CEP76: variants seen among roughly 807,000 people sequenced by gnomAD.
The protein encoded by CEP76 is centrosomal protein 76, also known as centrosomal protein of 76 kDa.
In CEP76, 55 loss-of-function variants were observed where a neutral mutation model predicts 83.3. The ratio of observed to expected loss-of-function variants is 0.66; its 90% CI spans 0.53 to 0.83. The LOEUF is 0.83. Among genes scored for constraint, CEP76 ranks in the 40% least tolerant of loss-of-function variants. The pLI is 0.00. For synonymous variants in CEP76, 270 were observed against 274.5 expected, an observed-to-expected ratio of 0.98 and a Z score of 0.16; for missense variants, 694 against 799.5, an observed-to-expected ratio of 0.87 and a Z score of 1.59.
chr18:12,664,871 G>A (rs913890658), intron 12 of CEP76, among the ~76,000 whole-genome samples: 22 of 147,626 alleles, frequency 1.5e-4, no homozygotes, highest in African/African-American at 5.3e-4. Flanking sequence ...GCTAACTTTT[G>A]TATTTTTAGT....
At chr18:12,687,481 A>T (rs2039581388) in intron 7 of CEP76, among the ~76,000 whole-genome samples, 1 of 145,462 alleles carries the variant, frequency 6.9e-6, no homozygotes, top group Non-Finnish European at 1.5e-5. Context: ...TTTGAGACAG[A>T]GTCTCGCTGT....
In CEP76 at chr18:12,681,130, G is replaced by A. The variant is rs189447236; in HGVS notation, c.1123-302C>T. On this transcript the variant is annotated intron_variant, in intron 8 of 11. Transcript: ENST00000262127. ...AGAGAATCACGTGAACTTGGGAGGCGGAGGTTGCAGTGAGCTACAATCGCG... is the reference window on the plus strand; with the variant it reads ...AGAGAATCACGTGAACTTGGGAGGCAGAGGTTGCAGTGAGCTACAATCGCG... Among the ~76,000 whole-genome samples the A allele has an allele frequency of 2.5e-3, 374 of 151,686 alleles. 3 individuals are homozygous for A. Among genetic ancestry groups the A allele is most frequent in the African/African-American group, 8.7e-3 (361 of 41,402 alleles).
intron 12 of CEP76, among the ~76,000 whole-genome samples, chr18:12,666,896 T>A (rs186781899): frequency 5.5e-4 from 84 of 152,308 alleles, no homozygotes; most frequent in African/African-American, 1.8e-3. Context: ...ATCAGTTTTA[T>A]TAATATATTG....
At chr18:12,687,844 T>G (rs1180263851) in intron 7 of CEP76, among the ~76,000 whole-genome samples, 1 of 152,162 alleles carries the variant, frequency 6.6e-6, no homozygotes, top group African/African-American at 2.4e-5. Context: ...AACTTAGCAT[T>G]ACTAATAATC....
intron 12 of CEP76, chr18:12,662,237 C>G: frequency 2.3e-6 from 1 of 436,840 alleles, no homozygotes; most frequent in South Asian, 1.7e-5. Flanking sequence ...CCTAAATTTT[C>G]ATTGCCCACA....
chr18:12,673,470 A>G lies in CEP76; in HGVS notation c.1875T>C (p.Arg625=), dbSNP rs547557605. 1.0e-5 allele frequency: 16 copies of G among 1,586,608 alleles called. No individual in the cohort carries two copies. Among genetic ancestry groups the G allele is most frequent in the Middle Eastern group, 1.7e-4 (1 of 5,990 alleles). Residue 625 remains arginine (R), a synonymous_variant, in exon 12 of 12, where the codon CGT becomes CGC. Coordinates refer to ENST00000262127, the MANE Select transcript of CEP76 (RefSeq NM_024899.4). ...SPFCEEIICC[R]GDQVRLAVRV... ...GAACTGCCAGTCGCACTTGGTCTCC[A>G]CGGCAACAGATTATTTCTTCACAGA...
chr18:12,666,476 GT>G (rs1490341318), intron 12 of CEP76, among the ~76,000 whole-genome samples: 2 of 123,130 alleles, frequency 1.6e-5, no homozygotes, highest in Non-Finnish European at 3.2e-5. Flanking sequence ...GTCTCCCTCT[GT>G]TGCCCAGGCT....
chr18:12,690,495 G>C (rs2039714636), intron 7 of CEP76, among the ~76,000 whole-genome samples: 1 of 149,668 alleles, frequency 6.7e-6, no homozygotes, highest in African/African-American at 2.5e-5. Context: ...TTGCTGTGTT[G>C]CCCAGGCCGG....
chr18:12,686,483 A>G (rs1333546922), intron 7 of CEP76, 33 bp from the exon 8 acceptor site: 4 of 1,432,100 alleles, frequency 2.8e-6, no homozygotes, highest in Non-Finnish European at 3.9e-6. Flanking sequence ...CTGTAATGAC[A>G]TATTAATCAT....
intron 7 of CEP76, among the ~76,000 whole-genome samples, chr18:12,687,970 A>G (rs113916314): frequency 0.055 from 8,279 of 151,850 alleles, 339 homozygotes; most frequent in Non-Finnish European, 0.081. Flanking sequence ...TAGGCTGGGC[A>G]CGGTGGCTCA....
chr18:12,678,239 G>T lies in CEP76; in HGVS notation c.1493C>A (p.Ser498Tyr). The T allele has an allele frequency of 6.2e-7, 1 of 1,614,150 alleles. No homozygotes were observed. The highest frequency in any genetic ancestry group is 8.5e-7 in the Non-Finnish European group (1 of 1,180,008). Reference sequence around the variant, plus strand: ...TGTTGTAGCTCCAGGAGCACACACAGATTTAATTGCTTCCTCACTCATGGG... The same window carrying T: ...TGTTGTAGCTCCAGGAGCACACACATATTTAATTGCTTCCTCACTCATGGG... ...WKPMSEEAIK[S>Y]VCAPGATTSL... is the part of the protein sequence containing the mutation. Residue 498 changes from serine (S) to tyrosine (Y), a missense_variant, in exon 10 of 12, where the codon TCT becomes TAT. By Grantham distance (144) the Ser-to-Tyr change is moderately radical. Coordinates refer to ENST00000262127, the MANE Select transcript of CEP76 (RefSeq NM_024899.4).
At chr18:12,666,075 G>T (rs906535648) in intron 12 of CEP76, among the ~76,000 whole-genome samples, 1 of 151,500 alleles carries the variant, frequency 6.6e-6, no homozygotes, top group Non-Finnish European at 1.5e-5. Flanking sequence ...CCAGCATCTT[G>T]GGAGACTGAG....
chr18:12,695,791 A>C (rs953468729), intron 5 of CEP76, among the ~76,000 whole-genome samples: 1 of 152,010 alleles, frequency 6.6e-6, no homozygotes, highest in South Asian at 2.1e-4. Flanking sequence ...TAAATGTATA[A>C]TATCAACCAG....
At chr18:12,665,490 ACT>A (rs2038784797) in intron 12 of CEP76, among the ~76,000 whole-genome samples, 1 of 152,160 alleles carries the variant, frequency 6.6e-6, no homozygotes, top group African/African-American at 2.4e-5. Context: ...CTGATGGAAC[ACT>A]GTGTCTTTCC....
Position 12,678,343 on chromosome 18 carries a change from C to A in CEP76, c.1389G>T (p.Gln463His), listed in dbSNP as rs958174060. Residue 463 changes from glutamine (Q) to histidine (H), a missense_variant, in exon 10 of 12, where the codon CAG becomes CAT. Physicochemically the swap from Gln to His is conservative, Grantham distance 24 (BLOSUM62 0). Coordinates refer to ENST00000262127, the MANE Select transcript of CEP76 (RefSeq NM_024899.4). ...YRTIGCVFNHQMFLGNCQPSD... is the reference protein window; with the variant it reads ...YRTIGCVFNHHMFLGNCQPSD... ...AGGGTTGACAATTTCCCAGGAACATCTGATGGTTGAAAACACAACCAATTG... is the reference window on the plus strand; with the variant it reads ...AGGGTTGACAATTTCCCAGGAACATATGATGGTTGAAAACACAACCAATTG... The A allele has an allele frequency of 1.2e-6, 2 of 1,614,112 alleles. No homozygotes were observed. The highest frequency in any genetic ancestry group is 4.5e-5 in the East Asian group (2 of 44,882).
chr18:12,700,015 C>A, intron 2 of CEP76, 110 bp from the exon 3 acceptor site: 2 of 533,518 alleles, frequency 3.7e-6, no homozygotes, highest in South Asian at 4.5e-5. Flanking sequence ...GGGTAAGGCC[C>A]TTTCAAAGAA....
intron 9 of CEP76, 118 bp downstream of exon 9, chr18:12,680,544 C>G: frequency 1.5e-6 from 1 of 648,770 alleles, no homozygotes; most frequent in Non-Finnish European, 2.4e-6. Flanking sequence ...TTGCAGTGAG[C>G]TGAGATTGTG....
intron 7 of CEP76, among the ~76,000 whole-genome samples, chr18:12,689,734 C>T (rs890509689): frequency 1.3e-5 from 2 of 152,018 alleles, no homozygotes; most frequent in African/African-American, 4.8e-5. Flanking sequence ...GAATAAATGC[C>T]TCAGACTATA....
intron 8 of CEP76, chr18:12,684,527 CTG>C (rs544246154): frequency 8.0e-5 from 12 of 150,822 alleles, no homozygotes; most frequent in African/African-American, 2.9e-4. Flanking sequence ...ATTGCCCACA[CTG>C]GAGTGCGATG....
Sources: gnomAD v4.1 joint callset for allele counts (sites outside exome capture counted in the v4.1 genomes callset) on GRCh38, gnomAD v4.1.1 for gene constraint, MANE v1.5 for transcripts, NCBI Gene and HGNC (gene_info 2026-07-23, HGNC 2026-07-21) for gene names.